Variants in CLCC1 observed in about 807,000 individuals in gnomAD.
CLCC1 encodes the protein chloride channel CLIC like 1, also known as chloride channel CLIC-like protein 1.
In CLCC1, 39 loss-of-function variants were observed where a neutral mutation model predicts 63.3. That is an observed-to-expected ratio of 0.62 (90% CI 0.48 to 0.81). The LOEUF (loss-of-function observed/expected upper bound fraction) is 0.81, where lower values mean the gene tolerates loss of function less well. CLCC1 is among the 30% of genes least tolerant of loss of function. CLCC1 has a pLI of 0.00. For missense variants in CLCC1, 549 were observed against 669.4 expected (o/e 0.82, Z 1.98); for synonymous variants, 217 against 239.8 (o/e 0.90, Z 0.88).
intron 2 of CLCC1, among the ~76,000 whole-genome samples, chr1:108,957,543 A>C (rs1460086737): frequency 6.6e-6 from 1 of 151,594 alleles, no homozygotes; most frequent in Non-Finnish European, 1.5e-5. Flanking sequence ...ACTGAGATAT[A>C]GGGGTTTATT....
At chr1:108,942,214 G>C (rs1653944544) in intron 7 of CLCC1, among the ~76,000 whole-genome samples, 1 of 152,088 alleles carries the variant, frequency 6.6e-6, no homozygotes, top group Non-Finnish European at 1.5e-5. Flanking sequence ...CTCCAGCCTG[G>C]GGGACAGAGT....
chr1:108,955,574 G>T (rs934164350), intron 2 of CLCC1, among the ~76,000 whole-genome samples: 1 of 151,408 alleles, frequency 6.6e-6, no homozygotes, highest in African/African-American at 2.5e-5. Context: ...ACTGGACTAA[G>T]GAAAACCTAG....
At chr1:108,936,038 T>TG (rs913612056) in intron 11 of CLCC1, among the ~76,000 whole-genome samples, 11 of 149,866 alleles carry the variant, frequency 7.3e-5, no homozygotes, top group Admixed American at 4.0e-4. Flanking sequence ...CTGAGATAGG[T>TG]GACAGGTAAT....
chr1:108,949,326 T>G (rs1295531389), intron 4 of CLCC1, among the ~76,000 whole-genome samples: 1 of 152,202 alleles, frequency 6.6e-6, no homozygotes, highest in Non-Finnish European at 1.5e-5. Flanking sequence ...CTTGACTTAT[T>G]TATTTTTGTG....
At position 108,931,627 on chromosome 1, in the gene CLCC1, C is replaced by CA; in HGVS notation, c.*919_*920insT. The CA allele has an allele frequency of 5.9e-6, 6 of 1,011,680 alleles. No homozygotes were observed. Among genetic ancestry groups the CA allele is most frequent in the Non-Finnish European group, 7.6e-6 (6 of 786,356 alleles). The allele number at this position is 1,011,680 out of a possible 1,614,324, so 62.7% of individuals were successfully genotyped here. ...GGAATTAATTACATTAAGTGCTCAG[C>CA]TAAAAAAAAAAAAAAAGTTCTAAAT... On this transcript the variant is annotated 3_prime_UTR_variant, in exon 13 of 13. Transcript: ENST00000369969.
In CLCC1 at chr1:108,952,327, G is replaced by C. The variant is rs946726943; in HGVS notation, c.-11-1879C>G. On this transcript the variant is annotated intron_variant, in intron 2 of 12. Coordinates refer to ENST00000369969, the MANE Select transcript of CLCC1 (RefSeq NM_001377458.1). Reference sequence around the variant, plus strand: ...CCAAGTGGCTGGAATTACAGGCATGGGCCACCATACTTGGCTAATTTTGTA... The same window carrying C: ...CCAAGTGGCTGGAATTACAGGCATGCGCCACCATACTTGGCTAATTTTGTA... Among the ~76,000 whole-genome samples the C allele has an allele frequency of 2.6e-5, 4 of 152,070 alleles. No individual in the cohort carries two copies. The South Asian group carries it at 8.3e-4, about 32-fold the overall frequency.
chr1:108,958,607 T>C (rs1375345204), intron 2 of CLCC1, among the ~76,000 whole-genome samples: 4 of 151,618 alleles, frequency 2.6e-5, no homozygotes, highest in African/African-American at 7.3e-5. Context: ...GGGCTGGGCG[T>C]GGTGGCTCAT....
Position 108,949,880 on chromosome 1 carries a change from G to C in CLCC1, c.171C>G (p.Asp57Glu). 1 of 1,603,494 alleles carries C rather than the reference G, an allele frequency of 6.2e-7. No individual in the cohort carries two copies. Among genetic ancestry groups the C allele is most frequent in the South Asian group, 1.1e-5 (1 of 87,452 alleles). ...GISGEKDVSP[D>E]LSCADEISEC... ...CTGATATTTCATCAGCACATGACAA[G>C]TCAGGACTGACATCCTTTTCCCCTG... The change falls in exon 4 of 13, where the codon GAC (aspartate) becomes GAG (glutamate). Residue 57 changes from aspartate to glutamate, a missense_variant. By Grantham distance (45) the Asp-to-Glu change is conservative. Transcript: ENST00000369969.
intron 12 of CLCC1, 151 bp downstream of exon 12, chr1:108,934,474 G>A (rs924041967): frequency 1.8e-6 from 1 of 562,196 alleles, no homozygotes. Context: ...AAGATGAAAT[G>A]AAAAGCTTTT....
chr1:108,950,548 G>A (rs1655059610), intron 2 of CLCC1, 100 bp from the exon 3 acceptor site: 6 of 643,426 alleles, frequency 9.3e-6, no homozygotes, highest in Non-Finnish European at 1.3e-5. Context: ...TAGAGACAGG[G>A]TCTTGCTCTA....
chr1:108,939,148 G>A (rs991201117), intron 10 of CLCC1, among the ~76,000 whole-genome samples: 1 of 146,244 alleles, frequency 6.8e-6, no homozygotes, highest in Non-Finnish European at 1.5e-5. Flanking sequence ...TTAATACTAA[G>A]ATTTAATATA....
intron 11 of CLCC1, among the ~76,000 whole-genome samples, chr1:108,935,877 G>C (rs1052021865): frequency 2.6e-5 from 4 of 152,160 alleles, no homozygotes; most frequent in African/African-American, 9.7e-5. Context: ...GAACAGTCAG[G>C]AGCCCTTATG....
At chr1:108,949,953 T>A (rs747415868) in intron 3 of CLCC1, 32 bp from the exon 4 acceptor site, 1 of 1,345,314 alleles carries the variant, frequency 7.4e-7, no homozygotes, top group Non-Finnish European at 1.0e-6. Flanking sequence ...TTTTATTTCT[T>A]TATAGTTTAG....
intron 11 of CLCC1, among the ~76,000 whole-genome samples, chr1:108,936,348 C>T (rs1263651820): frequency 1.3e-5 from 2 of 152,160 alleles, no homozygotes; most frequent in African/African-American, 4.8e-5. Context: ...CCGCCTGCCT[C>T]GGCCTCCCAG....
intron 2 of CLCC1, among the ~76,000 whole-genome samples, chr1:108,952,411 C>CGAA (rs1276697647): frequency 6.6e-6 from 1 of 151,628 alleles, no homozygotes; most frequent in African/African-American, 2.4e-5. Context: ...CTCCCGACCT[C>CGAA]CACCCCACCT....
Position 108,930,031 on chromosome 1 carries a change from T to C in CLCC1, c.*2516A>G. On this transcript the variant is annotated 3_prime_UTR_variant, in exon 13 of 13. Transcript: ENST00000369969. ...AAAAGGAGAATTTATAGCACTGTAA[T>C]ACAGCTTAAAATATTTTTAGAATGA... 9.0e-7 allele frequency: 1 copy of C among 1,109,014 alleles called. No individual in the cohort carries two copies. The highest frequency in any genetic ancestry group is 1.3e-6 in the Non-Finnish European group (1 of 749,906). The allele number at this position is 1,109,014 out of a possible 1,614,324, so 68.7% of individuals were successfully genotyped here.
intron 10 of CLCC1, among the ~76,000 whole-genome samples, chr1:108,938,799 A>G (rs945403021): frequency 6.6e-6 from 1 of 152,250 alleles, no homozygotes; most frequent in Admixed American, 6.5e-5. Context: ...TGGGAGACAG[A>G]AATCAACTTC....
intron 2 of CLCC1, among the ~76,000 whole-genome samples, chr1:108,951,057 A>G (rs1187068253): frequency 6.6e-6 from 1 of 152,216 alleles, no homozygotes; most frequent in African/African-American, 2.4e-5. Flanking sequence ...AAACTTGTAC[A>G]TGAATGTTCA....
At chr1:108,951,940 A>T (rs965295709) in intron 2 of CLCC1, among the ~76,000 whole-genome samples, 3 of 151,384 alleles carry the variant, frequency 2.0e-5, no homozygotes, top group African/African-American at 7.3e-5. Flanking sequence ...CTAATTTTTT[A>T]AAATTAATTA....
Sources: gnomAD v4.1 joint callset for allele counts (sites outside exome capture counted in the v4.1 genomes callset) on GRCh38, gnomAD v4.1.1 for gene constraint, MANE v1.5 for transcripts, NCBI Gene and HGNC (gene_info 2026-07-23, HGNC 2026-07-21) for gene names.